BMPR1B: variants seen among roughly 807,000 people sequenced by gnomAD.
BMPR1B encodes bone morphogenetic protein receptor type-1B.
A neutral mutation model predicts 59.1 loss-of-function variants in BMPR1B; 12 were observed. That is an observed-to-expected ratio of 0.20 (90% CI 0.13 to 0.33). The LOEUF (loss-of-function observed/expected upper bound fraction) is 0.33, where lower values mean the gene tolerates loss of function less well. Among genes scored for constraint, BMPR1B ranks in the 10% least tolerant of loss-of-function variants. The probability of loss-of-function intolerance (pLI) is 1.00; values close to 1 mark genes in which losing one functional copy is unlikely to be tolerated. For missense variants in BMPR1B, 550 were observed against 610.9 expected (o/e 0.90, Z 1.05); for synonymous variants, 237 against 207.3 (o/e 1.14, Z -1.23).
chr4:94,949,101 C>A (rs115762351), intron 2 of BMPR1B, among the ~76,000 whole-genome samples: 6,493 of 152,082 alleles, frequency 0.043, 346 homozygotes, highest in African/African-American at 0.12. Context: ...TTAGGTATTT[C>A]TTCTAATGCT....
chr4:95,004,045 A>G (rs1722649116), intron 3 of BMPR1B, among the ~76,000 whole-genome samples: 1 of 151,992 alleles, frequency 6.6e-6, no homozygotes, highest in African/African-American at 2.4e-5. Flanking sequence ...ATATTTATAT[A>G]CTAATTGGTT....
chr4:94,961,030 C>G (rs1194757060), intron 2 of BMPR1B, among the ~76,000 whole-genome samples: 2 of 152,242 alleles, frequency 1.3e-5, no homozygotes, highest in East Asian at 1.9e-4. Context: ...TTGAGTCTTT[C>G]AGAATTGTGG....
At chr4:94,771,884 A>G (rs1722200040) in intron 1 of BMPR1B, among the ~76,000 whole-genome samples, 1 of 152,210 alleles carries the variant, frequency 6.6e-6, no homozygotes. Context: ...CTGAAATGAT[A>G]TTTTTAAACT....
intron 3 of BMPR1B, among the ~76,000 whole-genome samples, chr4:95,049,427 T>G (rs1407838431): frequency 9.1e-4 from 4 of 4,400 alleles, no homozygotes; most frequent in Non-Finnish European, 2.5e-3. Flanking sequence ...AAGTTTTTTT[T>G]TTTTTTTTTT....
At chr4:94,867,870 A>T (rs1726307965) in intron 1 of BMPR1B, among the ~76,000 whole-genome samples, 1 of 151,968 alleles carries the variant, frequency 6.6e-6, no homozygotes, top group Admixed American at 6.6e-5. Flanking sequence ...TTTTGGAGAC[A>T]GAGTCTCACT....
chr4:94,869,819 T>C (rs1435730425), intron 1 of BMPR1B, among the ~76,000 whole-genome samples: 1 of 152,190 alleles, frequency 6.6e-6, no homozygotes, highest in Non-Finnish European at 1.5e-5. Context: ...TTGGCCCTTA[T>C]TTTTTCTAAA....
chr4:94,884,511 G>A (rs938336607), intron 2 of BMPR1B, among the ~76,000 whole-genome samples: 1 of 151,520 alleles, frequency 6.6e-6, no homozygotes, highest in African/African-American at 2.4e-5. Flanking sequence ...GGGAGACAGA[G>A]CGAGACTCTG....
chr4:94,824,972 C>T (rs534953635), intron 1 of BMPR1B, among the ~76,000 whole-genome samples: 14 of 152,226 alleles, frequency 9.2e-5, no homozygotes, highest in Non-Finnish European at 2.1e-4. Context: ...ATGTTGGATG[C>T]AAACAGAAAA....
At chr4:94,949,172 G>C (rs1729832706) in intron 2 of BMPR1B, among the ~76,000 whole-genome samples, 1 of 152,028 alleles carries the variant, frequency 6.6e-6, no homozygotes. Context: ...CCCTCCCTGT[G>C]CCCATATGTT....
chr4:95,098,225 GTCTTT>G (rs1180106722), intron 3 of BMPR1B, among the ~76,000 whole-genome samples: 1 of 152,022 alleles, frequency 6.6e-6, no homozygotes, highest in Non-Finnish European at 1.5e-5. Flanking sequence ...CATGTCATTT[GTCTTT>G]TCTTCTATTT....
chr4:94,761,045 T>C (rs533879683), intron 1 of BMPR1B, among the ~76,000 whole-genome samples: 1 of 152,336 alleles, frequency 6.6e-6, no homozygotes, highest in South Asian at 2.1e-4. Context: ...AGGATGGCTA[T>C]GGAATTGAGA....
intron 1 of BMPR1B, among the ~76,000 whole-genome samples, chr4:94,830,422 T>G (rs916501020): frequency 6.6e-6 from 1 of 152,190 alleles, no homozygotes; most frequent in African/African-American, 2.4e-5. Context: ...ATTTTAAAAT[T>G]TCAATATTTA....
chr4:94,984,983 AG>A, intron 2 of BMPR1B, among the ~76,000 whole-genome samples: 1 of 152,338 alleles, frequency 6.6e-6, no homozygotes, highest in East Asian at 1.9e-4. Context: ...ATAGAAATAA[AG>A]GTTTACAGAA....
intron 3 of BMPR1B, among the ~76,000 whole-genome samples, chr4:95,071,628 GTGTT>G (rs1250076807): frequency 1.0e-5 from 1 of 99,176 alleles, no homozygotes; most frequent in African/African-American, 4.1e-5. Context: ...ATATATATGT[GTGTT>G]TGTGTGTGTG....
chr4:95,152,702 G>T lies in BMPR1B; in HGVS notation c.1312G>T (p.Glu438Ter). Residue 438 changes from glutamate (E) to a stop codon, truncating the protein, a stop_gained, in exon 12 of 13, where the codon GAG becomes TAG. Transcript: ENST00000515059. LOFTEE classifies it high-confidence loss of function. The stretch of plus-strand genomic sequence containing the variant: ...CCTAGTGCCCAGTGACCCCTCTTAT[G>T]AGGACATGAGGGAGATTGTGTGCAT... ...HDLVPSDPSY[E>*]DMREIVCIKK... The T allele has an allele frequency of 6.3e-7, 1 of 1,599,444 alleles. No homozygotes were observed. The highest frequency in any genetic ancestry group is 8.5e-7 in the Non-Finnish European group (1 of 1,172,594).
intron 1 of BMPR1B, among the ~76,000 whole-genome samples, chr4:94,816,618 T>C (rs1427726359): frequency 2.0e-5 from 3 of 152,234 alleles, no homozygotes; most frequent in Non-Finnish European, 2.9e-5. Flanking sequence ...TAAGGCCATT[T>C]TTCTATAGAA....
chr4:95,117,890 T>C (rs982914409), intron 6 of BMPR1B, among the ~76,000 whole-genome samples: 1 of 151,990 alleles, frequency 6.6e-6, no homozygotes, highest in African/African-American at 2.4e-5. Flanking sequence ...GATGTAGGAA[T>C]TTAGAAAAAT....
Position 95,026,097 on chromosome 4 carries a change from C to CCTTTCTTTCTTTCTTTCTTT in BMPR1B, c.-18+29963_-18+29964insCTTTCTTTCTTTCTTTCTTT, listed in dbSNP as rs1560602784. On this transcript the variant is annotated intron_variant, in intron 3 of 12. Transcript: ENST00000515059. ...CTTGGCTGGCTGGATTGCTTTCTTT[C>CCTTTCTTTCTTTCTTTCTTT]ATTTCTTTCTTTCTTTCTTTCTTTC... Among the ~76,000 whole-genome samples, 30 of 23,916 alleles carry CCTTTCTTTCTTTCTTTCTTT rather than the reference C, an allele frequency of 1.3e-3. 1 individual carries two copies. The East Asian group carries it at 0.026, about 20-fold the overall frequency. 15.7% of individuals were successfully genotyped at this position (23,916 alleles called of 152,430 possible). A position where few individuals can be genotyped will look rare whatever the true frequency, so the allele number is the denominator to read the frequency against.
chr4:95,021,718 A>T (rs1034925879), intron 3 of BMPR1B, among the ~76,000 whole-genome samples: 1 of 152,240 alleles, frequency 6.6e-6, no homozygotes, highest in Admixed American at 6.5e-5. Context: ...TTTATAAGTC[A>T]TATGTGAAAT....
Sources: allele counts gnomAD v4.1 joint callset (sites outside exome capture counted in the v4.1 genomes callset), GRCh38; gene constraint gnomAD v4.1.1; transcripts MANE v1.5; gene names NCBI Gene and HGNC (gene_info 2026-07-23, HGNC 2026-07-21).